The following SCUBE1 variants were observed in gnomAD, a reference collection of about 807,000 sequenced individuals.
SCUBE1 encodes the protein signal peptide, CUB domain and EGF like domain containing 1.
SCUBE1 carries 59 observed loss-of-function variants against 124.4 expected under a neutral mutation model. That is an observed-to-expected ratio of 0.47 (90% CI 0.38 to 0.59). The LOEUF is 0.59. Ranked by LOEUF, SCUBE1 falls within the 20% of genes least tolerant of loss-of-function variation. SCUBE1 has a pLI of 0.00. For synonymous variants in SCUBE1, 545 were observed against 550.9 expected (o/e 0.99, Z 0.15); for missense variants, 1,150 against 1,371.2 (o/e 0.84, Z 2.55).
intron 5 of SCUBE1, among the ~76,000 whole-genome samples, chr22:43,261,701 T>C (rs553529303): frequency 1.3e-5 from 2 of 152,342 alleles, no homozygotes; most frequent in Middle Eastern, 3.4e-3. Flanking sequence ...ACCTTCTCTA[T>C]TGGGAGTTGG....
chr22:43,332,085 G>A (rs539157639), intron 2 of SCUBE1, among the ~76,000 whole-genome samples: 4 of 152,226 alleles, frequency 2.6e-5, no homozygotes, highest in East Asian at 1.9e-4. Context: ...TCAGGAGTTC[G>A]AGACCAACCT....
At chr22:43,216,221 A>G (rs1227606981) in intron 15 of SCUBE1, among the ~76,000 whole-genome samples, 2 of 151,188 alleles carry the variant, frequency 1.3e-5, no homozygotes, top group African/African-American at 4.9e-5. Context: ...TAATTTTTGT[A>G]TTTTTAGTAG....
In SCUBE1 at chr22:43,210,165, G is replaced by T. The variant is rs755133201; in HGVS notation, c.2459C>A (p.Ala820Asp). 93 of 1,608,594 alleles carry T rather than the reference G, an allele frequency of 5.8e-5. No homozygotes were observed. Among genetic ancestry groups the T allele is most frequent in the Non-Finnish European group, 7.6e-5 (90 of 1,177,738 alleles). Reference sequence around the variant, plus strand: ...GATGTGCCAGACGCATTCAGCGTTGGCTGGGTAGTCGCCAGGGTAGTTGGG... The same window carrying T: ...GATGTGCCAGACGCATTCAGCGTTGTCTGGGTAGTCGCCAGGGTAGTTGGG... The part of the protein sequence containing the change: ...ESPNYPGDYP[A>D]NAECVWHIAP... The change falls in exon 19 of 22, where the codon GCC becomes GAC. Residue 820 changes from alanine to aspartate, a missense_variant. Ala to Asp is a moderately radical substitution (Grantham distance 126, BLOSUM62 -2). Coordinates refer to ENST00000360835, the MANE Select transcript of SCUBE1 (RefSeq NM_173050.5). The surrounding 1 kb of genome is among the most constrained non-coding windows in gnomAD (Gnocchi z 4.5).
chr22:43,320,909 C>T (rs1926520950), intron 2 of SCUBE1, among the ~76,000 whole-genome samples: 1 of 152,224 alleles, frequency 6.6e-6, no homozygotes, highest in African/African-American at 2.4e-5. Flanking sequence ...TCACACCTGG[C>T]GTCCTTGGGA....
chr22:43,261,902 T>A (rs1354078963), intron 5 of SCUBE1, among the ~76,000 whole-genome samples: 1 of 152,028 alleles, frequency 6.6e-6, no homozygotes, highest in Non-Finnish European at 1.5e-5. Context: ...CCCCACCATC[T>A]CCCCCACGTA....
chr22:43,223,322 C>T, intron 10 of SCUBE1, 106 bp from the exon 11 acceptor site: 2 of 1,307,234 alleles, frequency 1.5e-6, no homozygotes, highest in Non-Finnish European at 2.0e-6. Flanking sequence ...CAACTCCCTT[C>T]TTCCATGGCT....
intron 3 of SCUBE1, among the ~76,000 whole-genome samples, chr22:43,315,549 G>A (rs1340861322): frequency 6.6e-6 from 1 of 152,140 alleles, no homozygotes. Context: ...AGGATGGGTT[G>A]GTGCCTGTTG....
chr22:43,293,191 C>A (rs1925433938), intron 3 of SCUBE1, among the ~76,000 whole-genome samples: 1 of 152,266 alleles, frequency 6.6e-6, no homozygotes, highest in Admixed American at 6.5e-5. Flanking sequence ...CCAAGCCAGG[C>A]CCCGTGTCCT....
rs369846529 is a variant in SCUBE1 at position 43,281,990 on chromosome 22, ATCT to A, written c.484+9053_484+9055del. 558 of 152,546 alleles carry A rather than the reference ATCT, an allele frequency of 3.7e-3. 3 individuals carry two copies. Among genetic ancestry groups the A allele is most frequent in the African/African-American group, 0.013 (532 of 41,594 alleles). 9.4% of individuals were successfully genotyped at this position (152,546 alleles called of 1,614,324 possible). On this transcript the variant is annotated intron_variant, in intron 4 of 21. Transcript: ENST00000360835. ...CTCTGGCCAACCGGAACAAGCTGGA[ATCT>A]TCGGTGTCAGAGGAACCCTGGCCAC...
At chr22:43,280,863 C>A (rs1356050353) in intron 4 of SCUBE1, among the ~76,000 whole-genome samples, 1 of 33,658 alleles carries the variant, frequency 3.0e-5, no homozygotes, top group African/African-American at 1.5e-4. Flanking sequence ...GTCACCTCCT[C>A]CTCAGTCACC....
At chr22:43,242,614 C>A (rs952586251) in intron 6 of SCUBE1, among the ~76,000 whole-genome samples, 2 of 152,218 alleles carry the variant, frequency 1.3e-5, no homozygotes, top group Non-Finnish European at 2.9e-5. Context: ...CCCTGAAACA[C>A]ACTTGTGGAG....
In SCUBE1 at chr22:43,268,499, C is replaced by T. The variant is rs544130047; in HGVS notation, c.485-5654G>A. On this transcript the variant is annotated intron_variant, in intron 4 of 21. Coordinates refer to ENST00000360835, the MANE Select transcript of SCUBE1 (RefSeq NM_173050.5). ...CCAACCACCCAAATCCAATTACATG[C>T]TACAAACTCAGACCAAGTGTCTCCT... 5.9e-5 allele frequency among the ~76,000 whole-genome samples: 9 copies of T among 152,364 alleles called. No individual in the cohort carries two copies. The East Asian group carries it at 1.2e-3, about 20-fold the overall frequency.
At chr22:43,321,166 G>T (rs569188694) in intron 2 of SCUBE1, among the ~76,000 whole-genome samples, 20 of 152,362 alleles carry the variant, frequency 1.3e-4, no homozygotes, top group Admixed American at 1.0e-3. Context: ...CGACGGAGTA[G>T]GAAGCCGGGG....
chr22:43,223,247 A>C (rs372671399), intron 10 of SCUBE1, 31 bp from the exon 11 acceptor site: 1 of 1,554,550 alleles, frequency 6.4e-7, no homozygotes, highest in Non-Finnish European at 8.6e-7. Flanking sequence ...GAGGGCTGAG[A>C]GAGGCCAGGG....
chr22:43,230,223 G>T (rs1922496420), intron 8 of SCUBE1, among the ~76,000 whole-genome samples: 1 of 152,092 alleles, frequency 6.6e-6, no homozygotes, highest in South Asian at 2.1e-4. Context: ...AGCATGGGGT[G>T]CCCAGGGGAT....
At chr22:43,331,672 A>G (rs1926907696) in intron 2 of SCUBE1, among the ~76,000 whole-genome samples, 1 of 152,178 alleles carries the variant, frequency 6.6e-6, no homozygotes, top group South Asian at 2.1e-4. Flanking sequence ...TTCCCTCGCA[A>G]ATGTCTATGA....
intron 6 of SCUBE1, among the ~76,000 whole-genome samples, chr22:43,253,719 C>A (rs561724984): frequency 5.3e-5 from 8 of 152,326 alleles, no homozygotes; most frequent in East Asian, 3.9e-4. Context: ...CCCTCCTCCC[C>A]CCGCCTGCAC....
At chr22:43,212,209 C>G (rs1288022626) in intron 17 of SCUBE1, among the ~76,000 whole-genome samples, 2 of 151,472 alleles carry the variant, frequency 1.3e-5, no homozygotes, top group South Asian at 4.1e-4. Context: ...AGCTGCTGTT[C>G]CCCCTGGAGC....
Position 43,208,090 on chromosome 22 carries a change from G to C in SCUBE1, c.2716C>G (p.Pro906Ala). ...EGNSGKGFQV[P>A]YVTYDEDYQQ... ...ATCTTACCATCGTAGGTGACATAGG[G>C]CACTTGGAAGCCTTTGCCGCTGTTG... The change falls in exon 20 of 22, where the codon CCC (proline) becomes GCC (alanine). Residue 906 changes from proline (P) to alanine (A), a missense_variant. Pro to Ala is a conservative substitution (Grantham distance 27). This residue lies in a region of SCUBE1 where 757 missense variants were observed against 840.9 expected (regional missense o/e 0.90). Transcript: ENST00000360835. 1 of 1,614,120 alleles carries C rather than the reference G, an allele frequency of 6.2e-7. No homozygotes were observed. The highest frequency in any genetic ancestry group is 8.5e-7 in the Non-Finnish European group (1 of 1,180,020).
Sources: gnomAD v4.1 joint callset for allele counts (sites outside exome capture counted in the v4.1 genomes callset) on GRCh38, gnomAD v4.1.1 for gene constraint, gnomAD v4.1.1 regional missense constraint, Gnocchi (gnomAD v3.1) non-coding constraint, MANE v1.5 for transcripts, NCBI Gene and HGNC (gene_info 2026-07-23, HGNC 2026-07-21) for gene names.